Variants in WDR47 observed in about 807,000 individuals in gnomAD.
WDR47 encodes WD repeat domain 47, also known as WD repeat-containing protein 47.
Under a neutral mutation model 97.2 loss-of-function variants are expected in WDR47, and 32 were observed. That is an observed-to-expected ratio of 0.33 (90% CI 0.25 to 0.44). The LOEUF (loss-of-function observed/expected upper bound fraction) is 0.44. Among genes scored for constraint, WDR47 ranks in the 20% least tolerant of loss-of-function variants. WDR47 has a pLI of 1.00. For missense variants in WDR47, 782 were observed against 1,102.3 expected, an observed-to-expected ratio of 0.71 and a Z score of 4.11; for synonymous variants, 375 against 373.5, an observed-to-expected ratio of 1.00 and a Z score of -0.05.
At chr1:108,989,743 G>A (rs1485505949) in intron 9 of WDR47, among the ~76,000 whole-genome samples, 3 of 152,202 alleles carry the variant, frequency 2.0e-5, no homozygotes, top group Non-Finnish European at 4.4e-5. Context: ...TGCCTAGGCT[G>A]GAGTGAAATG....
chr1:108,976,472 T>G (rs981476129), intron 13 of WDR47, among the ~76,000 whole-genome samples: 4 of 152,090 alleles, frequency 2.6e-5, no homozygotes, highest in Admixed American at 2.0e-4. Context: ...AACAAAAATC[T>G]TCATTCGTTT....
chr1:108,987,659 G>C (rs1287820563), intron 9 of WDR47, among the ~76,000 whole-genome samples: 1 of 150,026 alleles, frequency 6.7e-6, no homozygotes, highest in Non-Finnish European at 1.5e-5. Flanking sequence ...GTAGAGACAG[G>C]GTTTCACTGT....
intron 6 of WDR47, among the ~76,000 whole-genome samples, chr1:109,003,310 A>G (rs1180915380): frequency 6.6e-6 from 1 of 152,104 alleles, no homozygotes; most frequent in Non-Finnish European, 1.5e-5. Context: ...TATTTGCATC[A>G]TATTTTAAAG....
At chr1:109,033,276 C>A (rs1662724756) in intron 1 of WDR47, among the ~76,000 whole-genome samples, 1 of 151,912 alleles carries the variant, frequency 6.6e-6, no homozygotes, top group Non-Finnish European at 1.5e-5. Flanking sequence ...GCTTGGGCGA[C>A]AGAATGAGAC....
chr1:109,005,504 T>A (rs1660528124), intron 5 of WDR47, among the ~76,000 whole-genome samples: 2 of 152,208 alleles, frequency 1.3e-5, no homozygotes, highest in Admixed American at 1.3e-4. Context: ...AAAAGGGTTT[T>A]AAAAAATAGG....
At chr1:109,020,192 C>A (rs1661725255) in intron 2 of WDR47, among the ~76,000 whole-genome samples, 1 of 150,900 alleles carries the variant, frequency 6.6e-6, no homozygotes, top group Non-Finnish European at 1.5e-5. Flanking sequence ...TAAGAAAGGA[C>A]ACAATTTCAA....
chr1:108,992,904 G>A, intron 8 of WDR47: 2 of 925,016 alleles, frequency 2.2e-6, no homozygotes, highest in Non-Finnish European at 3.3e-6. Context: ...TAGAGGTGAG[G>A]AAATTGCTAA....
intron 1 of WDR47, among the ~76,000 whole-genome samples, chr1:109,035,667 T>C (rs1398380125): frequency 8.6e-5 from 13 of 151,916 alleles, no homozygotes; most frequent in Non-Finnish European, 1.9e-4. Context: ...CCAGCTATTT[T>C]GCATTTTTAG....
At chr1:108,982,465 G>A in intron 12 of WDR47, 144 bp downstream of exon 12, 1 of 933,186 alleles carries the variant, frequency 1.1e-6, no homozygotes, top group South Asian at 2.1e-5. Context: ...TCAGGAGGTT[G>A]AGGCCGCAGT....
chr1:108,992,273 T>A, intron 8 of WDR47: 1 of 888,642 alleles, frequency 1.1e-6, no homozygotes, highest in East Asian at 2.4e-5. Context: ...CCTGAGGTAA[T>A]CTGTGAAAAT....
intron 14 of WDR47, among the ~76,000 whole-genome samples, 178 bp from the exon 15 acceptor site, chr1:108,971,750 T>C (rs1219010910): frequency 2.6e-5 from 4 of 152,232 alleles, no homozygotes; most frequent in Non-Finnish European, 5.9e-5. Context: ...TATTAGTATT[T>C]GCTAACATAT....
At chr1:109,037,272 T>C (rs1004718620) in intron 1 of WDR47, among the ~76,000 whole-genome samples, 11 of 150,096 alleles carry the variant, frequency 7.3e-5, no homozygotes, top group African/African-American at 1.2e-4. Context: ...GAGGTTGCGG[T>C]GAGCCGACAT....
At chr1:109,013,786 T>G in intron 4 of WDR47, 55 bp downstream of exon 4, 2 of 1,575,860 alleles carry the variant, frequency 1.3e-6, no homozygotes, top group Non-Finnish European at 1.7e-6. Context: ...GTGACTAAAA[T>G]ACTTATGACT....
chr1:109,017,616 TA>T lies in WDR47; in HGVS notation c.159-16del. ...GTATTAGCTGCCTAAATAAAAAATTTAAAAAAACCAGCATGTCACCAAATTC... is the reference window on the plus strand; with the variant it reads ...GTATTAGCTGCCTAAATAAAAAATTTAAAAAACCAGCATGTCACCAAATTC... On this transcript the variant is annotated splice_polypyrimidine_tract_variant and intron_variant, in intron 2 of 14. Coordinates refer to ENST00000369962, the MANE Select transcript of WDR47 (RefSeq NM_001142551.2). The T allele has an allele frequency of 1.8e-5, 28 of 1,598,444 alleles. No individual in the cohort carries two copies. The highest frequency in any genetic ancestry group is 2.4e-5 in the Non-Finnish European group (28 of 1,175,020).
chr1:108,984,019 A>C (rs1011675041), intron 10 of WDR47, among the ~76,000 whole-genome samples: 1 of 152,200 alleles, frequency 6.6e-6, no homozygotes, highest in East Asian at 1.9e-4. Flanking sequence ...AAAAATAAGA[A>C]GGCAGGAGAA....
chr1:109,007,967 T>C (rs1324985717), intron 5 of WDR47, among the ~76,000 whole-genome samples: 1 of 151,864 alleles, frequency 6.6e-6, no homozygotes, highest in Non-Finnish European at 1.5e-5. Flanking sequence ...CCAGGCACAG[T>C]GGCGGGCGCC....
chr1:108,980,513 G>GTC (rs1460105897), intron 13 of WDR47, among the ~76,000 whole-genome samples: 1 of 152,082 alleles, frequency 6.6e-6, no homozygotes, highest in East Asian at 1.9e-4. Flanking sequence ...TAGATCACCT[G>GTC]AGGTCAGGAG....
chr1:108,982,432 C>G (rs1484657368), intron 12 of WDR47, among the ~76,000 whole-genome samples, 177 bp downstream of exon 12: 1 of 152,088 alleles, frequency 6.6e-6, no homozygotes, highest in Non-Finnish European at 1.5e-5. Flanking sequence ...ACTCAGGAGG[C>G]TGGGTGGGAG....
chr1:109,032,464 CAG>C (rs1662667869), intron 1 of WDR47, among the ~76,000 whole-genome samples: 1 of 85,718 alleles, frequency 1.2e-5, no homozygotes, highest in Non-Finnish European at 2.6e-5. Context: ...GCTGAGATCG[CAG>C]CACTGCACTC....
Sources: gnomAD v4.1 joint callset for allele counts (sites outside exome capture counted in the v4.1 genomes callset) on GRCh38, gnomAD v4.1.1 for gene constraint, MANE v1.5 for transcripts, NCBI Gene and HGNC (gene_info 2026-07-23, HGNC 2026-07-21) for gene names.